Variants in TGIF1 observed in about 807,000 individuals in gnomAD.
TGIF1 encodes TGFB induced factor homeobox 1.
TGIF1 carries 4 observed loss-of-function variants against 19.3 expected under a neutral mutation model. The observed-to-expected ratio is 0.21, with a 90% confidence interval of 0.10 to 0.47. The LOEUF is 0.47. Ranked by LOEUF, TGIF1 falls within the 20% of genes least tolerant of loss-of-function variation. TGIF1 has a pLI of 0.98. For missense variants in TGIF1, 275 were observed against 341.4 expected (o/e 0.81, Z 1.53); for synonymous variants, 122 against 129.3 (o/e 0.94, Z 0.38).
chr18:3,436,998 G>A (rs62082334), intron 2 of TGIF1, among the ~76,000 whole-genome samples: 6,127 of 151,532 alleles, frequency 0.04, 171 homozygotes, highest in Non-Finnish European at 0.06. Context: ...CCAGCTACTC[G>A]GGAGGCTGAG....
intron 1 of TGIF1, chr18:3,453,745 G>A: frequency 1.0e-6 from 1 of 957,250 alleles, no homozygotes; most frequent in Non-Finnish European, 1.2e-6. Context: ...TAGGGCGGTG[G>A]GATCCTCAGG....
intron 2 of TGIF1, among the ~76,000 whole-genome samples, chr18:3,429,846 A>G (rs2082523919): frequency 6.6e-6 from 1 of 152,242 alleles, no homozygotes; most frequent in Admixed American, 6.5e-5. Context: ...TCAAAGAGGA[A>G]CAAACACAAT....
chr18:3,450,145 C>T (rs2082856396), upstream of TGIF1: 2 of 1,212,352 alleles, frequency 1.6e-6, no homozygotes, highest in Admixed American at 7.9e-5. Flanking sequence ...GGCAGGACCT[C>T]CTGTACCTTC....
chr18:3,439,043 G>A (rs779109843), intron 2 of TGIF1, among the ~76,000 whole-genome samples: 1 of 152,188 alleles, frequency 6.6e-6, no homozygotes, highest in Non-Finnish European at 1.5e-5. Context: ...GGAATAAGGA[G>A]TTACTGATCA....
chr18:3,421,494 C>A (rs2082396759), intron 2 of TGIF1, among the ~76,000 whole-genome samples: 1 of 151,234 alleles, frequency 6.6e-6, no homozygotes, highest in Non-Finnish European at 1.5e-5. Context: ...CTCACCGCAA[C>A]TTCCACCTCC....
rs575129967 is a variant in TGIF1 at position 3,423,525 on chromosome 18, CA to C, written c.-45+5316del. Among the ~76,000 whole-genome samples the C allele has an allele frequency of 2.0e-5, 3 of 151,920 alleles. No homozygotes were observed. The East Asian group carries it at 5.8e-4, about 29-fold the overall frequency. ...AAACCCCGTCTCTACTAAAAAAATA[CA>C]AAAAATTAGCCGGGCTTGGTGTCGG... On this transcript the variant is annotated intron_variant, in intron 2 of 3. Coordinates refer to the TGIF1 transcript ENST00000401449.
At chr18:3,455,022 CAA>C (rs2083120798) in intron 1 of TGIF1, 1 of 152,206 alleles carries the variant, frequency 6.6e-6, no homozygotes, top group South Asian at 2.1e-4. Context: ...CAATTAAGGT[CAA>C]GTCATATTTT....
At chr18:3,415,858 A>G (rs961791148) in intron 1 of TGIF1, among the ~76,000 whole-genome samples, 4 of 152,324 alleles carry the variant, frequency 2.6e-5, no homozygotes, top group African/African-American at 9.6e-5. Flanking sequence ...AAGAAACACT[A>G]TAGTAACTTG....
At chr18:3,427,246 T>C (rs1469701017) in intron 2 of TGIF1, among the ~76,000 whole-genome samples, 1 of 148,184 alleles carries the variant, frequency 6.7e-6, no homozygotes, top group Non-Finnish European at 1.5e-5. Flanking sequence ...GCCCAGCCAA[T>C]GATCTCTATA....
rs992700861 is a variant in TGIF1, at chr18:3,458,780, C to T, written c.*840C>T. 1.3e-5 allele frequency: 2 copies of T among 152,190 alleles called. No homozygotes were observed. The highest frequency in any genetic ancestry group is 6.5e-5 in the Admixed American group (1 of 15,268). The allele number at this position is 152,190 out of a possible 1,614,324, so 9.4% of individuals were successfully genotyped here. A position where few individuals can be genotyped will look rare whatever the true frequency, so the allele number is the denominator to read the frequency against. Reference sequence around the variant, plus strand: ...TTGCTGAGTTTTCAGAAGAAAACAACGCAAGCAATCTCTTGCCCTTTTTCC... The same window carrying T: ...TTGCTGAGTTTTCAGAAGAAAACAATGCAAGCAATCTCTTGCCCTTTTTCC... On this transcript the variant is annotated 3_prime_UTR_variant, in exon 3 of 3. Transcript: ENST00000343820.
upstream of TGIF1, among the ~76,000 whole-genome samples, chr18:3,445,766 A>AAAAAAAAAAC (rs2082737350): frequency 6.3e-5 from 1 of 15,830 alleles, no homozygotes; most frequent in Non-Finnish European, 1.3e-4. Flanking sequence ...GAAGAAAAGC[A>AAAAAAAAAAC]AAAAAAAAAA....
chr18:3,443,646 G>A (rs183245055), intron 2 of TGIF1, among the ~76,000 whole-genome samples: 4 of 151,852 alleles, frequency 2.6e-5, no homozygotes, highest in African/African-American at 9.7e-5. Context: ...GCGCAATCTC[G>A]GCTCACTCCA....
At chr18:3,422,736 T>G (rs868184675) in intron 2 of TGIF1, among the ~76,000 whole-genome samples, 17 of 137,518 alleles carry the variant, frequency 1.2e-4, no homozygotes, top group Admixed American at 3.3e-4. Flanking sequence ...TGTCGCCCAG[T>G]CTGGAGTGCA....
chr18:3,420,753 C>T (rs1350599449), intron 2 of TGIF1, among the ~76,000 whole-genome samples: 5 of 152,190 alleles, frequency 3.3e-5, no homozygotes, highest in African/African-American at 1.2e-4. Context: ...GAAGACAGTT[C>T]ACATGTCAGG....
At position 3,458,195 on chromosome 18, in the gene TGIF1, TATC is replaced by T. The variant is rs2049425438; in HGVS notation, c.*258_*260del. ...ATTCATAATGTGAGATGGTTCCCAA[TATC>T]ATGTGATTTTTTTTTTCCTCCCCTT... is the stretch of plus-strand genomic sequence containing the variant. On this transcript the variant is annotated 3_prime_UTR_variant, in exon 3 of 3. Transcript: ENST00000343820. The T allele has an allele frequency of 2.2e-6, 1 of 457,062 alleles. No homozygotes were observed. Among genetic ancestry groups the T allele is most frequent in the Non-Finnish European group, 3.8e-6 (1 of 261,748 alleles). 28.3% of individuals were successfully genotyped at this position (457,062 alleles called of 1,614,324 possible).
rs72869754 is a variant in TGIF1, at chr18:3,422,604, C to T, written c.-45+4389C>T. Among the ~76,000 whole-genome samples the T allele has an allele frequency of 4.9e-3, 743 of 151,534 alleles. 4 individuals carry two copies. The highest frequency in any genetic ancestry group is 8.9e-3 in the Non-Finnish European group (601 of 67,904). On this transcript the variant is annotated intron_variant, in intron 2 of 3. Transcript: ENST00000401449. ...CCTTCCCATTCACTCACCACTCACTCACCGACTCACTGAAAGCAACATTCA... is the reference window on the plus strand; with the variant it reads ...CCTTCCCATTCACTCACCACTCACTTACCGACTCACTGAAAGCAACATTCA...
Position 3,451,869 on chromosome 18 carries a change from A to T in TGIF1, c.16+1364A>T. On this transcript the variant is annotated intron_variant, in intron 1 of 2. Transcript: ENST00000343820. The surrounding 1 kb of genome is among the most constrained non-coding windows in gnomAD (Gnocchi z 5.4). ...AGAAAACGCGCGGGGGGCGTCCGAG[A>T]CGCCCCGTGAAAGCCGTGCCGACCC... 1 of 1,420,846 alleles carries T rather than the reference A, an allele frequency of 7.0e-7. No homozygotes were observed. The allele number at this position is 1,420,846 out of a possible 1,614,324, so 88.0% of individuals were successfully genotyped here. A position where few individuals can be genotyped will look rare whatever the true frequency, so the allele number is the denominator to read the frequency against.
chr18:3,450,534 G>C lies in TGIF1; in HGVS notation c.16+29G>C, dbSNP rs574541374. 261 of 1,557,536 alleles carry C rather than the reference G, an allele frequency of 1.7e-4. 5 individuals carry two copies. The South Asian group carries it at 3.0e-3, about 18-fold the overall frequency. On this transcript the variant is annotated intron_variant, in intron 1 of 2. Transcript: ENST00000343820. Reference sequence around the variant, plus strand: ...AGGCGGCCGCGGGCTGCGCGCACCAGAAGACGCGAGTCCGGGGAAACGTGC... The same window carrying C: ...AGGCGGCCGCGGGCTGCGCGCACCACAAGACGCGAGTCCGGGGAAACGTGC...
chr18:3,448,100 C>A, upstream of TGIF1: 6 of 930,900 alleles, frequency 6.4e-6, no homozygotes, highest in Non-Finnish European at 7.5e-6. Context: ...TTAAACCGAC[C>A]GAAGGCGTGT....
Sources: allele counts gnomAD v4.1 joint callset (sites outside exome capture counted in the v4.1 genomes callset), GRCh38; gene constraint gnomAD v4.1.1; non-coding constraint Gnocchi (gnomAD v3.1); transcripts MANE v1.5; gene names NCBI Gene and HGNC (gene_info 2026-07-23, HGNC 2026-07-21).